The following PRDM10 variants were observed in gnomAD, a reference collection of about 807,000 sequenced individuals.
PRDM10 encodes PR/SET domain 10, also known as PR domain zinc finger protein 10.
Under a neutral mutation model 133.1 loss-of-function variants are expected in PRDM10, and 65 were observed. The observed-to-expected ratio is 0.49, with a 90% CI of 0.40 to 0.60. PRDM10 has a LOEUF of 0.60. Among genes scored for constraint, PRDM10 ranks in the 20% least tolerant of loss-of-function variants. PRDM10 has a pLI of 0.00. For synonymous variants in PRDM10, 582 were observed against 580.4 expected (o/e 1.00, Z -0.04); for missense variants, 1,137 against 1,507.1 (o/e 0.75, Z 4.07).
At chr11:129,948,188 C>A in intron 4 of PRDM10, 1 of 423,878 alleles carries the variant, frequency 2.4e-6, no homozygotes, top group East Asian at 7.0e-5. Context: ...AAAAATGGTA[C>A]CTTAAAAAGT....
In PRDM10 at chr11:129,947,160, C is replaced by T. The variant is rs372199751; in HGVS notation, c.505G>A (p.Asp169Asn). 1.4e-5 allele frequency: 23 copies of T among 1,614,052 alleles called. No individual in the cohort carries two copies. Among genetic ancestry groups the T allele is most frequent in the Non-Finnish European group, 1.9e-5 (22 of 1,180,000 alleles). ...DWEPDPPRPFDPHDLWCEECN... is the reference protein window; with the variant it reads ...DWEPDPPRPFNPHDLWCEECN... ...CCACACTTACACAAGTCGTGTGGGT[C>T]GAAGGGCCGGGGCGGGTCTGGCTCC... Residue 169 changes from aspartate (D) to asparagine (N), a missense_variant, in exon 5 of 21, where the codon GAC becomes AAC. Transcript: ENST00000360871. This position sits in a 1 kb window ranked among gnomAD's most constrained non-coding sequence, Gnocchi z 4.6.
chr11:129,939,686 GC>G (rs1333974410), intron 7 of PRDM10, among the ~76,000 whole-genome samples: 3 of 152,278 alleles, frequency 2.0e-5, no homozygotes, highest in African/African-American at 7.2e-5. Context: ...GCAAATGAAG[GC>G]CAAAAAGATC....
chr11:129,934,303 G>C (rs1202920094), intron 9 of PRDM10, among the ~76,000 whole-genome samples: 1 of 152,144 alleles, frequency 6.6e-6, no homozygotes, highest in Non-Finnish European at 1.5e-5. Flanking sequence ...GCAATTGTAT[G>C]GTACTTCCCT....
chr11:130,000,365 G>C lies in PRDM10; in HGVS notation c.-119+2357C>G, dbSNP rs568493336. ...GCTTAAATTTTATGTTTTCTCCAATGATCACGCATTATTCTTAAAACTAGA... is the reference window on the plus strand; with the variant it reads ...GCTTAAATTTTATGTTTTCTCCAATCATCACGCATTATTCTTAAAACTAGA... On this transcript the variant is annotated intron_variant, in intron 1 of 20. Transcript: ENST00000360871. Among the ~76,000 whole-genome samples, 8 of 152,160 alleles carry C rather than the reference G, an allele frequency of 5.3e-5. No individual in the cohort carries two copies. The South Asian group carries it at 8.3e-4, about 16-fold the overall frequency.
Position 129,915,838 on chromosome 11 carries a change from C to T in PRDM10, c.2348G>A (p.Arg783His). 1.2e-6 allele frequency: 2 copies of T among 1,613,962 alleles called. No homozygotes were observed. The highest frequency in any genetic ancestry group is 1.7e-6 in the Non-Finnish European group (2 of 1,179,978). Residue 783 changes from arginine (R) to histidine (H), a missense_variant, in exon 16 of 21, where the codon CGC (arginine) becomes CAC (histidine). Transcript: ENST00000360871. The stretch of plus-strand genomic sequence containing the variant: ...GTGGTTCTTCAGAATGTGGGCTTTG[C>T]GCTTGCTGGCACTTTTATAAACCTG... ...CDKVYKSASK[R>H]KAHILKNHPG...
At chr11:129,929,304 C>T (rs1485867811) in intron 11 of PRDM10, 20 of 1,103,762 alleles carry the variant, frequency 1.8e-5, no homozygotes, top group Non-Finnish European at 2.5e-5. Context: ...ACTGTAGCAA[C>T]CAAACTGTGG....
chr11:129,962,353 T>C (rs1399192193), intron 1 of PRDM10, among the ~76,000 whole-genome samples: 2 of 152,252 alleles, frequency 1.3e-5, no homozygotes, highest in African/African-American at 2.4e-5. Flanking sequence ...TTCGAAAGTC[T>C]GTGCCCAACT....
At chr11:129,955,321 C>G (rs73018805) in intron 4 of PRDM10, among the ~76,000 whole-genome samples, 191 bp downstream of exon 4, 5,575 of 152,192 alleles carry the variant, frequency 0.037, 153 homozygotes, top group Middle Eastern at 0.065. Flanking sequence ...TCAGATTATT[C>G]CAGTATATAC....
In PRDM10 at chr11:129,947,431, T is replaced by G. The variant is rs769014211; in HGVS notation, c.295-61A>C. 10 of 1,604,192 alleles carry G rather than the reference T, an allele frequency of 6.2e-6. No individual in the cohort carries two copies. The highest frequency in any genetic ancestry group is 6.8e-6 in the Non-Finnish European group (8 of 1,172,072). The stretch of plus-strand genomic sequence containing the variant: ...TGGACACCTGCTTTTGGTTCGCTGG[T>G]GCCTGCTGGCACAAACAGGGCGCAA... On this transcript the variant is annotated intron_variant, in intron 4 of 20. Coordinates refer to ENST00000360871, the MANE Select transcript of PRDM10 (RefSeq NM_199437.2). This position sits in a 1 kb window ranked among gnomAD's most constrained non-coding sequence, Gnocchi z 4.6.
At chr11:129,984,534 C>G (rs1040977920) in intron 1 of PRDM10, among the ~76,000 whole-genome samples, 17 of 152,110 alleles carry the variant, frequency 1.1e-4, no homozygotes, top group Non-Finnish European at 1.9e-4. Flanking sequence ...CCACCCTACT[C>G]GGGCTTCTAT....
intron 19 of PRDM10, among the ~76,000 whole-genome samples, chr11:129,907,377 T>C (rs1273217815): frequency 6.6e-6 from 1 of 152,216 alleles, no homozygotes; most frequent in Non-Finnish European, 1.5e-5. Context: ...TTGCAATGTA[T>C]GGCCCTTATT....
intron 10 of PRDM10, 26 bp from the exon 11 acceptor site, chr11:129,931,284 G>C (rs777355111): frequency 6.2e-7 from 1 of 1,610,624 alleles, no homozygotes; most frequent in Non-Finnish European, 8.5e-7. Flanking sequence ...ACCAGGAATA[G>C]AGATCAGTGC....
chr11:129,910,363 G>A (rs1950148089), intron 19 of PRDM10, 113 bp downstream of exon 19: 3 of 1,432,716 alleles, frequency 2.1e-6, no homozygotes, highest in African/African-American at 1.4e-5. Flanking sequence ...CATAGAGAGT[G>A]TAAACAATGG....
At chr11:129,910,121 T>C (rs1950139767) in intron 19 of PRDM10, among the ~76,000 whole-genome samples, 1 of 152,258 alleles carries the variant, frequency 6.6e-6, no homozygotes, top group African/African-American at 2.4e-5. Context: ...ATGAGAATAT[T>C]AATCTTGGCA....
At chr11:129,961,294 G>A (rs749658493) in intron 1 of PRDM10, among the ~76,000 whole-genome samples, 1 of 151,684 alleles carries the variant, frequency 6.6e-6, no homozygotes, top group African/African-American at 2.4e-5. Flanking sequence ...GGTTTTTTTG[G>A]GGGGGTGAGG....
At chr11:129,964,819 C>G (rs1013948818) in intron 1 of PRDM10, among the ~76,000 whole-genome samples, 9 of 152,110 alleles carry the variant, frequency 5.9e-5, no homozygotes, top group Non-Finnish European at 1.2e-4. Flanking sequence ...AGGGAAGATA[C>G]TAGCGCAGTT....
rs978913060 is a variant in PRDM10, at chr11:129,957,964, A to C, written c.70-54T>G. The C allele has an allele frequency of 2.8e-5, 43 of 1,540,250 alleles. No homozygotes were observed. In the African/African-American group the frequency reaches 5.4e-4, roughly 19 times the overall value. On this transcript the variant is annotated intron_variant, in intron 2 of 20. Coordinates refer to ENST00000360871, the MANE Select transcript of PRDM10 (RefSeq NM_199437.2). ...ATCAGTATCAGGAAGGTAAGTGATCAACAAGCACACCTGGGTTTCTAAAAG... is the reference window on the plus strand; with the variant it reads ...ATCAGTATCAGGAAGGTAAGTGATCCACAAGCACACCTGGGTTTCTAAAAG...
intron 1 of PRDM10, among the ~76,000 whole-genome samples, chr11:129,987,659 G>A (rs1486472202): frequency 1.3e-5 from 2 of 152,222 alleles, no homozygotes; most frequent in Non-Finnish European, 2.9e-5. Context: ...ACTGATAAGT[G>A]AAGAAAATAT....
At chr11:129,995,325 C>T (rs1938990988) in intron 1 of PRDM10, among the ~76,000 whole-genome samples, 1 of 151,434 alleles carries the variant, frequency 6.6e-6, no homozygotes, top group African/African-American at 2.4e-5. Flanking sequence ...GCGCTCTGAC[C>T]CCTCTCCCAT....
Sources: gnomAD v4.1 joint callset for allele counts (sites outside exome capture counted in the v4.1 genomes callset) on GRCh38, gnomAD v4.1.1 for gene constraint, Gnocchi (gnomAD v3.1) non-coding constraint, MANE v1.5 for transcripts, NCBI Gene and HGNC (gene_info 2026-07-23, HGNC 2026-07-21) for gene names.